The following GFUS variants were observed in gnomAD, a reference collection of about 807,000 sequenced individuals.
GFUS encodes GDP-L-fucose synthase.
A neutral mutation model predicts 41.5 loss-of-function variants in GFUS; 42 were observed. The observed-to-expected ratio is 1.01, with a 90% confidence interval of 0.79 to 1.31. The LOEUF is 1.31. Among genes scored for constraint, GFUS ranks in the 50% most tolerant of loss-of-function variants. The pLI, the probability that GFUS is intolerant of heterozygous loss-of-function variation, is 0.00. For synonymous variants in GFUS, 188 were observed against 173.4 expected, an observed-to-expected ratio of 1.08 and a Z score of -0.66; for missense variants, 437 against 428.7, an observed-to-expected ratio of 1.02 and a Z score of -0.17.
At chr8:143,613,124 C>G in intron 10 of GFUS, 72 bp downstream of exon 10, 2 of 1,558,162 alleles carry the variant, frequency 1.3e-6, no homozygotes, top group Non-Finnish European at 1.8e-6. Flanking sequence ...TCACCTCTGC[C>G]CTGGTAGCGA....
At chr8:143,615,601 G>C (rs1356894879) in intron 3 of GFUS, among the ~76,000 whole-genome samples, 4 of 152,178 alleles carry the variant, frequency 2.6e-5, no homozygotes, top group Non-Finnish European at 4.4e-5. Flanking sequence ...GTGACTGGTG[G>C]GGCCAACCCT....
At position 143,616,743 on chromosome 8, in the gene GFUS, G is replaced by C. The variant is rs932826950; in HGVS notation, c.-11-20C>G. On this transcript the variant is annotated intron_variant, in intron 1 of 10. Coordinates refer to ENST00000425753, the MANE Select transcript of GFUS (RefSeq NM_003313.4). ...TTGCACCTGTAATGTCAAACAGTGG[G>C]AGGCTGAGGTCATCACGCTCTCATC... 5.6e-6 allele frequency: 9 copies of C among 1,613,228 alleles called. No individual in the cohort carries two copies. In the African/African-American group the frequency reaches 1.2e-4, roughly 22 times the overall value.
rs775303671 is a variant in GFUS at position 143,614,924 on chromosome 8, G to A, written c.262-9C>T. ...ATGTGCACGTTTTTCCTCTGCAGGG[G>A]TGAGGCGGGGACAGTTCAGGCTCCC... On this transcript the variant is annotated splice_polypyrimidine_tract_variant and intron_variant, in intron 3 of 10. Transcript: ENST00000425753. 1.3e-6 allele frequency: 2 copies of A among 1,597,310 alleles called. No homozygotes were observed. Among genetic ancestry groups the A allele is most frequent in the East Asian group, 2.2e-5 (1 of 44,730 alleles).
upstream of GFUS, chr8:143,618,028 G>C (rs1829772973): frequency 6.6e-6 from 1 of 152,262 alleles, no homozygotes; most frequent in South Asian, 2.1e-4. Flanking sequence ...GCCCAGGCTC[G>C]GGCAGCAAGC....
rs112253494 is a variant in GFUS, at chr8:143,616,361, G to A, written c.147-141C>T. 4,562 of 1,144,344 alleles carry A rather than the reference G, an allele frequency of 4.0e-3. 121 individuals are homozygous for A. The African/African-American group carries it at 0.063, about 16-fold the overall frequency. The allele number at this position is 1,144,344 out of a possible 1,614,324, so 70.9% of individuals were successfully genotyped here. A position where few individuals can be genotyped will look rare whatever the true frequency, so the allele number is the denominator to read the frequency against. The stretch of plus-strand genomic sequence containing the variant: ...GCCCCAGGGCCTGGCTGATATGAGG[G>A]TGCAGGCTTCCAGGAAGAGATGGGA... On this transcript the variant is annotated intron_variant, in intron 2 of 10. Coordinates refer to ENST00000425753, the MANE Select transcript of GFUS (RefSeq NM_003313.4).
chr8:143,614,968 T>G, intron 3 of GFUS, 53 bp from the exon 4 acceptor site: 10 of 1,548,542 alleles, frequency 6.5e-6, no homozygotes, highest in Non-Finnish European at 8.7e-6. Flanking sequence ...ATCCCAGCCC[T>G]TACCTGCTCC....
intron 2 of GFUS, 76 bp from the exon 3 acceptor site, chr8:143,616,296 G>C: frequency 2.1e-6 from 3 of 1,421,532 alleles, no homozygotes; most frequent in Non-Finnish European, 3.0e-6. Context: ...GCAGGAACTG[G>C]GTGGGACTAT....
At chr8:143,615,423 C>T (rs774742436) in intron 3 of GFUS, among the ~76,000 whole-genome samples, 1 of 152,168 alleles carries the variant, frequency 6.6e-6, no homozygotes, top group African/African-American at 2.4e-5. Context: ...TGGGACTGGT[C>T]TTGGGAGAAG....
At chr8:143,615,900 C>T (rs1563687992) in intron 3 of GFUS, 1 of 483,616 alleles carries the variant, frequency 2.1e-6, no homozygotes, top group African/African-American at 2.0e-5. Context: ...TGCCTCCAGG[C>T]CCCCTGCATG....
chr8:143,614,692 G>C lies in GFUS; in HGVS notation c.396C>G (p.His132Gln), dbSNP rs750286394. The C allele has an allele frequency of 5.0e-6, 8 of 1,612,724 alleles. 1 individual carries two copies. The South Asian group carries it at 8.8e-5, about 18-fold the overall frequency. ...AATTGCTGTTGTGGGGAGGCCCATT[G>C]TGGATCTGCGGGCGTGGGAGAGGCA... ...TTYPIDETMIHNGPPHNSNFG... is the reference protein window; with the variant it reads ...TTYPIDETMIQNGPPHNSNFG... Residue 132 changes from histidine (H) to glutamine (Q), a missense_variant, in exon 5 of 11, where the codon CAC becomes CAG. Physicochemically the swap from His to Gln is conservative, Grantham distance 24. Coordinates refer to ENST00000425753, the MANE Select transcript of GFUS (RefSeq NM_003313.4).
chr8:143,616,150 C>T lies in GFUS; in HGVS notation c.217G>A (p.Val73Met). The stretch of plus-strand genomic sequence containing the variant: ...TTGATATTCCGGAACAGGCCCCCCA[C>T]CATTGCAGCAAGATGGATGACGTGT... ...PTHVIHLAAM[V>M]GGLFRNIKYN... The change falls in exon 3 of 11, where the codon GTG (valine) becomes ATG (methionine). Residue 73 changes from valine (V) to methionine (M), a missense_variant. Transcript: ENST00000425753. 1 of 1,612,622 alleles carries T rather than the reference C, an allele frequency of 6.2e-7. No individual in the cohort carries two copies. Among genetic ancestry groups the T allele is most frequent in the Non-Finnish European group, 8.5e-7 (1 of 1,179,044 alleles).
chr8:143,613,447 C>G, intron 9 of GFUS, 77 bp downstream of exon 9: 1 of 1,540,142 alleles, frequency 6.5e-7, no homozygotes, highest in Non-Finnish European at 8.9e-7. Context: ...CCCACCCACG[C>G]TGGCCCTACA....
chr8:143,613,473 G>A lies in GFUS; in HGVS notation c.810+51C>T, dbSNP rs1007790099. 7 of 1,592,066 alleles carry A rather than the reference G, an allele frequency of 4.4e-6. No individual in the cohort carries two copies. In the African/African-American group the frequency reaches 9.4e-5, roughly 21 times the overall value. On this transcript the variant is annotated intron_variant, in intron 9 of 10. Coordinates refer to ENST00000425753, the MANE Select transcript of GFUS (RefSeq NM_003313.4). ...TGGCCCTACACCGGGTGGCCACTGA[G>A]CCCGCCCAAGGGGCCCCCGCCCAAC... is the stretch of plus-strand genomic sequence containing the variant.
In GFUS at chr8:143,613,120, C is replaced by T. The variant is rs536606576; in HGVS notation, c.910+76G>A. Reference sequence around the variant, plus strand: ...CAGGCTCTGAGGGGGCACCTCACCTCTGCCCTGGTAGCGAGCATGAGGGAG... The same window carrying T: ...CAGGCTCTGAGGGGGCACCTCACCTTTGCCCTGGTAGCGAGCATGAGGGAG... On this transcript the variant is annotated intron_variant, in intron 10 of 10. Transcript: ENST00000425753. 4 of 1,549,670 alleles carry T rather than the reference C, an allele frequency of 2.6e-6. No homozygotes were observed. In the Admixed American group the frequency reaches 6.7e-5, roughly 26 times the overall value.
intron 9 of GFUS, 49 bp from the exon 10 acceptor site, chr8:143,613,344 C>A: frequency 6.3e-7 from 1 of 1,579,418 alleles, no homozygotes; most frequent in Non-Finnish European, 8.7e-7. Context: ...CCACCCCAGC[C>A]CCCGCAGCTT....
intron 3 of GFUS, chr8:143,615,876 C>T (rs975047760): frequency 1.1e-5 from 5 of 463,274 alleles, no homozygotes; most frequent in Non-Finnish European, 1.9e-5. Flanking sequence ...CACAGCTTTG[C>T]CTACTGGGCC....
chr8:143,615,842 C>T (rs1829711831), intron 3 of GFUS: 1 of 417,550 alleles, frequency 2.4e-6, no homozygotes, highest in Non-Finnish European at 4.2e-6. Flanking sequence ...CTCTTTTCAG[C>T]CTCCCAATGC....
intron 3 of GFUS, 133 bp downstream of exon 3, chr8:143,615,973 G>A: frequency 1.4e-6 from 1 of 731,128 alleles, no homozygotes; most frequent in Non-Finnish European, 2.2e-6. Flanking sequence ...CCCCCACCAG[G>A]CTGTGCCAAG....
intron 9 of GFUS, 47 bp downstream of exon 9, chr8:143,613,477 G>T (rs569363640): frequency 6.3e-7 from 1 of 1,594,340 alleles, no homozygotes; most frequent in Non-Finnish European, 8.5e-7. Context: ...CACTGAGCCC[G>T]CCCAAGGGGC....
Sources: gnomAD v4.1 joint callset for allele counts (sites outside exome capture counted in the v4.1 genomes callset) on GRCh38, gnomAD v4.1.1 for gene constraint, MANE v1.5 for transcripts, NCBI Gene and HGNC (gene_info 2026-07-23, HGNC 2026-07-21) for gene names.